The following SYTL2 variants were observed in gnomAD, a reference collection of about 807,000 sequenced individuals.
The protein encoded by SYTL2 is synaptotagmin like 2.
Under a neutral mutation model 198.7 loss-of-function variants are expected in SYTL2, and 165 were observed. The ratio of observed to expected loss-of-function variants is 0.83; its 90% CI spans 0.73 to 0.94. The LOEUF (loss-of-function observed/expected upper bound fraction) is 0.94, where lower values mean the gene tolerates loss of function less well. Ranked by LOEUF, SYTL2 falls within the 40% of genes least tolerant of loss-of-function variation. SYTL2 has a pLI of 0.00. For missense variants in SYTL2, 2,835 were observed against 2,582.8 expected (o/e 1.10, Z -2.12); for synonymous variants, 966 against 917.7 (o/e 1.05, Z -0.95).
Position 85,711,140 on chromosome 11 carries a change from G to T in SYTL2, c.5718C>A (p.Ser1906Arg). 1 of 1,614,114 alleles carries T rather than the reference G, an allele frequency of 6.2e-7. No individual in the cohort carries two copies. The highest frequency in any genetic ancestry group is 8.5e-7 in the Non-Finnish European group (1 of 1,179,978). The change falls in exon 13 of 20, where the codon AGC becomes AGA. Residue 1906 changes from serine to arginine, a missense_variant. Ser to Arg is a moderately radical substitution (Grantham distance 110). Transcript: ENST00000359152. ...AAGACAAGGACGTCATGCCAGAGGA[G>T]CTGCTAAGATTGGTTAAAGAGCTCG... ...KSPSSLTNLSSSSGMTSLSSV... is the reference protein window; with the variant it reads ...KSPSSLTNLSRSSGMTSLSSV...
intron 1 of SYTL2, among the ~76,000 whole-genome samples, chr11:85,775,532 G>A (rs1353186798): frequency 1.3e-5 from 2 of 152,110 alleles, no homozygotes; most frequent in Non-Finnish European, 2.9e-5. Context: ...ATCCAGGCTA[G>A]AGTACAGTGG....
At chr11:85,700,247 C>T (rs1430648245) in intron 17 of SYTL2, among the ~76,000 whole-genome samples, 1 of 151,500 alleles carries the variant, frequency 6.6e-6, no homozygotes, top group African/African-American at 2.4e-5. Flanking sequence ...GATCTGTTTC[C>T]CAACAGTGTG....
At chr11:85,794,187 TC>T (rs565436130) in intron 1 of SYTL2, among the ~76,000 whole-genome samples, 136 of 151,840 alleles carry the variant, frequency 9.0e-4, no homozygotes, top group African/African-American at 3.1e-3. Flanking sequence ...AATTTTTTTT[TC>T]TTTTTTTAGA....
chr11:85,743,371 A>G (rs957420925), intron 4 of SYTL2, among the ~76,000 whole-genome samples: 1 of 152,248 alleles, frequency 6.6e-6, no homozygotes, highest in Non-Finnish European at 1.5e-5. Context: ...GGCATGTGTT[A>G]TAGGACTGGC....
intron 1 of SYTL2, among the ~76,000 whole-genome samples, chr11:85,788,149 T>C (rs1402301160): frequency 6.6e-6 from 1 of 152,170 alleles, no homozygotes; most frequent in Non-Finnish European, 1.5e-5. Context: ...ACTATGCTAA[T>C]TCAGTCAGTT....
the SYTL2 span, chr11:85,853,047 A>G: frequency 1.3e-5 from 4 of 297,230 alleles, no homozygotes; most frequent in East Asian, 4.7e-4. Flanking sequence ...GGAAGTGAGG[A>G]GCGCCTCCGC....
chr11:85,783,312 C>T (rs2092590314), intron 1 of SYTL2, among the ~76,000 whole-genome samples: 2 of 152,144 alleles, frequency 1.3e-5, no homozygotes, highest in East Asian at 3.9e-4. Context: ...AACTCACTCA[C>T]TATCACTAGA....
In SYTL2 at chr11:85,725,183, C is replaced by T. The variant is rs375241857; in HGVS notation, c.4175G>A (p.Gly1392Asp). The change falls in exon 8 of 20, where the codon GGT becomes GAT. Residue 1392 changes from glycine (G) to aspartate (D), a missense_variant. Physicochemically the swap from Gly to Asp is moderately conservative, Grantham distance 94. Around this residue, in one of 3 missense-constraint regions of SYTL2, gnomAD observed 2,645 missense variants for 2,381.7 expected, o/e 1.11. Coordinates refer to ENST00000359152, the MANE Select transcript of SYTL2 (RefSeq NM_206927.4). Reference sequence around the variant, plus strand: ...AAATTCTGGGTTCACTTCTCCAGGACCTACTTCCCTTCCAGCTGGATAACT... The same window carrying T: ...AAATTCTGGGTTCACTTCTCCAGGATCTACTTCCCTTCCAGCTGGATAACT... ...WLSYPAGREV[G>D]PGEVNPEFPE... is the part of the protein sequence containing the mutation. 1.9e-6 allele frequency: 3 copies of T among 1,614,090 alleles called. No homozygotes were observed. The African/African-American group carries it at 4.0e-5, about 22-fold the overall frequency.
intron 4 of SYTL2, among the ~76,000 whole-genome samples, chr11:85,741,520 T>C (rs888542651): frequency 6.6e-6 from 1 of 152,202 alleles, no homozygotes; most frequent in African/African-American, 2.4e-5. Context: ...TTAAGAATTA[T>C]TATTTTAAGA....
chr11:85,834,163 A>C, the SYTL2 span, among the ~76,000 whole-genome samples: 1 of 152,202 alleles, frequency 6.6e-6, no homozygotes, highest in Non-Finnish European at 1.5e-5. Flanking sequence ...CAGAACTACA[A>C]ATACTGCAGA....
chr11:85,845,185 C>G, the SYTL2 span, among the ~76,000 whole-genome samples: 1 of 152,118 alleles, frequency 6.6e-6, no homozygotes, highest in Non-Finnish European at 1.5e-5. Flanking sequence ...TGCTTTTACC[C>G]CTTTTCTGGA....
At chr11:85,847,314 C>G in the SYTL2 span, among the ~76,000 whole-genome samples, 1 of 152,094 alleles carries the variant, frequency 6.6e-6, no homozygotes, top group Non-Finnish European at 1.5e-5. Flanking sequence ...TCACACTTGG[C>G]TTCTTCACTT....
chr11:85,771,277 C>A (rs1222196308), intron 1 of SYTL2, among the ~76,000 whole-genome samples: 1 of 152,226 alleles, frequency 6.6e-6, no homozygotes, highest in East Asian at 1.9e-4. Flanking sequence ...GAGAAGCACA[C>A]TGGATCTCTG....
the SYTL2 span, among the ~76,000 whole-genome samples, chr11:85,843,862 G>T: frequency 6.6e-6 from 1 of 152,144 alleles, no homozygotes; most frequent in Non-Finnish European, 1.5e-5. Flanking sequence ...GAAAGGTAGA[G>T]TAACTCATCC....
chr11:85,848,755 C>T, the SYTL2 span, among the ~76,000 whole-genome samples: 1 of 152,176 alleles, frequency 6.6e-6, no homozygotes, highest in African/African-American at 2.4e-5. Flanking sequence ...CCCTCAGGCA[C>T]AATTCAAATC....
intron 1 of SYTL2, among the ~76,000 whole-genome samples, chr11:85,803,201 A>G (rs2092914855): frequency 6.6e-6 from 1 of 152,270 alleles, no homozygotes; most frequent in African/African-American, 2.4e-5. Context: ...GCATATTATA[A>G]AACTGTAAAA....
At chr11:85,791,212 T>G (rs2092726691) in intron 1 of SYTL2, among the ~76,000 whole-genome samples, 1 of 144,714 alleles carries the variant, frequency 6.9e-6, no homozygotes, top group Non-Finnish European at 1.5e-5. Flanking sequence ...TAGTAAATAT[T>G]CTGGCTCACA....
At chr11:85,766,697 C>T (rs1157806601) in intron 1 of SYTL2, among the ~76,000 whole-genome samples, 2 of 152,064 alleles carry the variant, frequency 1.3e-5, no homozygotes, top group African/African-American at 2.4e-5. Context: ...TAATGTATGC[C>T]GTCCCCTGCC....
At chr11:85,698,729 G>A (rs1209793280) in intron 17 of SYTL2, among the ~76,000 whole-genome samples, 1 of 152,142 alleles carries the variant, frequency 6.6e-6, no homozygotes, top group Non-Finnish European at 1.5e-5. Flanking sequence ...TGTAGAGACA[G>A]AGTTTCGTCA....
Sources: allele counts gnomAD v4.1 joint callset (sites outside exome capture counted in the v4.1 genomes callset), GRCh38; gene constraint gnomAD v4.1.1; regional missense constraint gnomAD v4.1.1; transcripts MANE v1.5; gene names NCBI Gene and HGNC (gene_info 2026-07-23, HGNC 2026-07-21).